VPS37A: variants seen among roughly 807,000 people sequenced by gnomAD.
The protein encoded by VPS37A is VPS37A subunit of ESCRT-I, also known as vacuolar protein sorting-associated protein 37A.
A neutral mutation model predicts 49.8 loss-of-function variants in VPS37A; 30 were observed. The observed-to-expected ratio is 0.60, with a 90% CI of 0.45 to 0.82. The LOEUF (loss-of-function observed/expected upper bound fraction) is 0.82. Ranked by LOEUF, VPS37A falls within the 40% of genes least tolerant of loss-of-function variation. The pLI, the probability that VPS37A is intolerant of heterozygous loss-of-function variation, is 0.00. For synonymous variants in VPS37A, 195 were observed against 160.6 expected (o/e 1.21, Z -1.62); for missense variants, 593 against 464.4 (o/e 1.28, Z -2.55).
downstream of VPS37A, chr8:17,300,114 G>A (rs755159810): frequency 1.2e-6 from 2 of 1,614,150 alleles, no homozygotes; most frequent in Admixed American, 1.7e-5. Context: ...CCTGGGGAGT[G>A]TTGGCTATGC....
At chr8:17,325,833 G>C in the VPS37A span, among the ~76,000 whole-genome samples, 1 of 152,134 alleles carries the variant, frequency 6.6e-6, no homozygotes, top group Non-Finnish European at 1.5e-5. Context: ...CCATAGGAAG[G>C]CATGGGGCCT....
chr8:17,285,709 G>A (rs537536911), intron 10 of VPS37A, among the ~76,000 whole-genome samples: 1 of 152,222 alleles, frequency 6.6e-6, no homozygotes, highest in South Asian at 2.1e-4. Flanking sequence ...GTAAGGCATT[G>A]ATTTCTGCTC....
At chr8:17,302,032 G>A, downstream of VPS37A, 1 of 1,296,766 alleles carries the variant, frequency 7.7e-7, no homozygotes, top group Non-Finnish European at 1.1e-6. Flanking sequence ...TGTGTTTCAG[G>A]TGTTCTACTG....
the VPS37A span, among the ~76,000 whole-genome samples, chr8:17,311,140 C>G: frequency 6.6e-6 from 1 of 152,114 alleles, no homozygotes; most frequent in African/African-American, 2.4e-5. Flanking sequence ...AAAATTTCTT[C>G]CCAAAATATT....
chr8:17,248,751 G>T (rs573680970), intron 1 of VPS37A, among the ~76,000 whole-genome samples: 1 of 152,086 alleles, frequency 6.6e-6, no homozygotes, highest in Non-Finnish European at 1.5e-5. Context: ...TGAACTTTAG[G>T]TGTTTCTTGG....
intron 1 of VPS37A, among the ~76,000 whole-genome samples, chr8:17,252,584 C>T (rs549439933): frequency 7.9e-5 from 12 of 152,286 alleles, no homozygotes; most frequent in African/African-American, 2.4e-4. Flanking sequence ...TCTAACTCTT[C>T]TTTTAAAATG....
chr8:17,271,272 T>C (rs1813959732), intron 4 of VPS37A, among the ~76,000 whole-genome samples: 1 of 152,202 alleles, frequency 6.6e-6, no homozygotes, highest in Non-Finnish European at 1.5e-5. Context: ...TGGTACTTTC[T>C]CTGTCCCTTG....
chr8:17,318,627 A>G, the VPS37A span, among the ~76,000 whole-genome samples: 1 of 152,106 alleles, frequency 6.6e-6, no homozygotes, highest in Non-Finnish European at 1.5e-5. Context: ...CAGCTAATTC[A>G]CAGCCAGGTT....
intron 2 of VPS37A, 142 bp from the exon 3 acceptor site, chr8:17,268,116 A>G: frequency 1.8e-6 from 1 of 565,774 alleles, no homozygotes. Flanking sequence ...ACAACACCAT[A>G]ATAGAGCACT....
chr8:17,301,060 A>G (rs147643779), downstream of VPS37A, among the ~76,000 whole-genome samples: 82 of 152,338 alleles, frequency 5.4e-4, 1 homozygote, highest in African/African-American at 1.9e-3. Flanking sequence ...ACATTTCGCC[A>G]GATTTCATGT....
At chr8:17,305,683 A>G (rs1247143972), downstream of VPS37A, 1 of 1,346,230 alleles carries the variant, frequency 7.4e-7, no homozygotes, top group African/African-American at 1.5e-5. Flanking sequence ...CAAAATTATG[A>G]AAGGCCACCT....
intron 6 of VPS37A, among the ~76,000 whole-genome samples, chr8:17,277,434 T>A (rs1169378931): frequency 6.6e-6 from 1 of 152,050 alleles, no homozygotes; most frequent in Non-Finnish European, 1.5e-5. Context: ...GTGAAGAAAC[T>A]AGTATAATGA....
chr8:17,303,643 CTT>C (rs1554504321), downstream of VPS37A, among the ~76,000 whole-genome samples: 9 of 146,278 alleles, frequency 6.2e-5, no homozygotes, highest in Non-Finnish European at 6.0e-5. Context: ...GAGTTTTGCT[CTT>C]GTTGCCCAGG....
chr8:17,265,764 C>G, intron 1 of VPS37A, 143 bp from the exon 2 acceptor site: 1 of 1,535,696 alleles, frequency 6.5e-7, no homozygotes, highest in Non-Finnish European at 8.8e-7. Context: ...TTTTCCTTCC[C>G]CTCAAGATAC....
chr8:17,305,256 C>T (rs1304732231), downstream of VPS37A, among the ~76,000 whole-genome samples: 8 of 152,178 alleles, frequency 5.3e-5, no homozygotes, highest in Non-Finnish European at 1.2e-4. Context: ...AATGTTCTCT[C>T]ATGTATACTG....
chr8:17,315,317 CA>C, the VPS37A span, among the ~76,000 whole-genome samples: 1 of 152,108 alleles, frequency 6.6e-6, no homozygotes, highest in African/African-American at 2.4e-5. Context: ...GTAAAAAAAT[CA>C]GCGGCTGCCA....
downstream of VPS37A, chr8:17,300,318 G>A: frequency 7.6e-6 from 10 of 1,311,740 alleles, no homozygotes; most frequent in Non-Finnish European, 1.0e-5. Context: ...CTCCCACGTG[G>A]GTATAATGTT....
At chr8:17,260,665 T>C (rs1005358489) in intron 1 of VPS37A, among the ~76,000 whole-genome samples, 2 of 152,238 alleles carry the variant, frequency 1.3e-5, no homozygotes, top group Non-Finnish European at 2.9e-5. Context: ...TCCATGCTTT[T>C]ATTTATGTGG....
intron 11 of VPS37A, among the ~76,000 whole-genome samples, chr8:17,291,515 A>G (rs1816153188): frequency 1.5e-5 from 2 of 134,046 alleles, no homozygotes; most frequent in South Asian, 4.6e-4. Context: ...GTCTTCTGCT[A>G]GCTTTTGAAT....
Sources: gnomAD v4.1 joint callset for allele counts (sites outside exome capture counted in the v4.1 genomes callset) on GRCh38, gnomAD v4.1.1 for gene constraint, MANE v1.5 for transcripts, NCBI Gene and HGNC (gene_info 2026-07-23, HGNC 2026-07-21) for gene names.